VAV3: variants seen among roughly 807,000 people sequenced by gnomAD.
VAV3 encodes vav guanine nucleotide exchange factor 3.
A neutral mutation model predicts 131.2 loss-of-function variants in VAV3; 94 were observed. The observed-to-expected ratio is 0.72, with a 90% CI of 0.61 to 0.85. VAV3 has a LOEUF of 0.85. VAV3 is among the 40% of genes least tolerant of loss of function. The probability of loss-of-function intolerance (pLI) is 0.00; values close to 1 mark genes in which losing one functional copy is unlikely to be tolerated. For missense variants in VAV3, 939 were observed against 1,002.7 expected, an observed-to-expected ratio of 0.94 and a Z score of 0.86; for synonymous variants, 349 against 342.0, an observed-to-expected ratio of 1.02 and a Z score of -0.22.
At chr1:107,742,319 T>A (rs966481093) in intron 15 of VAV3, among the ~76,000 whole-genome samples, 3 of 152,122 alleles carry the variant, frequency 2.0e-5, no homozygotes, top group African/African-American at 4.8e-5. Context: ...TACTGTGCTA[T>A]GAAAGATCAC....
intron 15 of VAV3, among the ~76,000 whole-genome samples, chr1:107,741,539 C>T (rs973480737): frequency 1.3e-5 from 2 of 152,058 alleles, no homozygotes; most frequent in South Asian, 2.1e-4. Context: ...CCCACTGTGA[C>T]GCCTGTTGGC....
intron 1 of VAV3, among the ~76,000 whole-genome samples, chr1:107,906,572 G>A (rs12142560): frequency 0.062 from 9,388 of 151,970 alleles, 438 homozygotes; most frequent in African/African-American, 0.13. Context: ...AGGCTGAGGC[G>A]GGAGAATGGC....
chr1:107,624,415 A>T (rs1331481691), intron 20 of VAV3, among the ~76,000 whole-genome samples: 4 of 133,972 alleles, frequency 3.0e-5, no homozygotes, highest in African/African-American at 1.1e-4. Flanking sequence ...TGTGTGTGTG[A>T]AAGAAACAAG....
chr1:107,890,712 T>A (rs1356216944), intron 1 of VAV3, among the ~76,000 whole-genome samples: 2 of 152,216 alleles, frequency 1.3e-5, no homozygotes, highest in Non-Finnish European at 2.9e-5. Context: ...TTTCAATGAA[T>A]TAAATGTTTT....
At chr1:107,678,404 T>A (rs186101538) in intron 19 of VAV3, among the ~76,000 whole-genome samples, 1 of 152,160 alleles carries the variant, frequency 6.6e-6, no homozygotes, top group African/African-American at 2.4e-5. Context: ...ACTTTACTAT[T>A]TATTATAGAC....
intron 15 of VAV3, among the ~76,000 whole-genome samples, chr1:107,740,045 G>C (rs981721427): frequency 2.2e-4 from 34 of 152,212 alleles, no homozygotes; most frequent in African/African-American, 8.0e-4. Context: ...CCACCACTTT[G>C]GGAGGCCAAG....
intron 2 of VAV3, among the ~76,000 whole-genome samples, chr1:107,819,542 AAT>A (rs1667704834): frequency 6.7e-6 from 1 of 149,408 alleles, no homozygotes; most frequent in African/African-American, 2.4e-5. Flanking sequence ...ATATGACACA[AAT>A]ATGACAAAGT....
At chr1:107,682,740 A>T (rs1161666920) in intron 19 of VAV3, among the ~76,000 whole-genome samples, 2 of 152,172 alleles carry the variant, frequency 1.3e-5, no homozygotes, top group African/African-American at 4.8e-5. Flanking sequence ...AGTCCAGATT[A>T]TTTTCCAGCA....
intron 15 of VAV3, among the ~76,000 whole-genome samples, chr1:107,743,258 G>C (rs1214806712): frequency 6.6e-6 from 1 of 152,104 alleles, no homozygotes; most frequent in Non-Finnish European, 1.5e-5. Context: ...AAGAAGGACT[G>C]GTTGGGAAGA....
chr1:107,902,373 T>C (rs1221457731), intron 1 of VAV3, among the ~76,000 whole-genome samples: 1 of 152,222 alleles, frequency 6.6e-6, no homozygotes, highest in East Asian at 1.9e-4. Context: ...TTGACTTTAT[T>C]CATCTTCCAT....
intron 15 of VAV3, among the ~76,000 whole-genome samples, chr1:107,735,530 C>CTTT (rs1662562460): frequency 6.6e-6 from 1 of 151,996 alleles, no homozygotes; most frequent in African/African-American, 2.4e-5. Flanking sequence ...GGGATATCAC[C>CTTT]ACCGATCCCA....
chr1:107,957,323 C>G (rs528856414), intron 1 of VAV3, among the ~76,000 whole-genome samples: 2 of 152,232 alleles, frequency 1.3e-5, no homozygotes, highest in African/African-American at 2.4e-5. Context: ...TTTCTCTGGC[C>G]TTATCTTCTG....
intron 2 of VAV3, among the ~76,000 whole-genome samples, chr1:107,840,606 A>G (rs1466788295): frequency 6.6e-6 from 1 of 152,186 alleles, no homozygotes; most frequent in East Asian, 1.9e-4. Flanking sequence ...TCCATCAGGA[A>G]GTGCTCAAAG....
chr1:107,785,379 T>C, intron 2 of VAV3: 1 of 1,250,960 alleles, frequency 8.0e-7, no homozygotes, highest in Non-Finnish European at 1.0e-6. Flanking sequence ...ACTTAACCCA[T>C]ACCAGACCCA....
At chr1:107,593,683 T>G (rs1651144882) in intron 25 of VAV3, among the ~76,000 whole-genome samples, 1 of 152,132 alleles carries the variant, frequency 6.6e-6, no homozygotes, top group South Asian at 2.1e-4. Flanking sequence ...CTTCCTGGGA[T>G]GTATAAAATG....
At chr1:107,856,748 G>A (rs1284851832) in intron 2 of VAV3, among the ~76,000 whole-genome samples, 1 of 152,082 alleles carries the variant, frequency 6.6e-6, no homozygotes, top group Non-Finnish European at 1.5e-5. Flanking sequence ...TTCTAAGTAT[G>A]AAGGAAGGCC....
intron 2 of VAV3, among the ~76,000 whole-genome samples, chr1:107,811,680 T>C (rs1473978646): frequency 6.6e-6 from 1 of 152,116 alleles, no homozygotes; most frequent in Non-Finnish European, 1.5e-5. Flanking sequence ...TATAGCACCA[T>C]AATAAACAAA....
intron 25 of VAV3, among the ~76,000 whole-genome samples, chr1:107,595,516 T>C (rs959667307): frequency 6.6e-6 from 1 of 152,188 alleles, no homozygotes; most frequent in Non-Finnish European, 1.5e-5. Context: ...GATATCAGAT[T>C]AAGAAAATAA....
chr1:107,821,998 G>A (rs1377337574), intron 2 of VAV3, among the ~76,000 whole-genome samples: 2 of 152,158 alleles, frequency 1.3e-5, no homozygotes, highest in African/African-American at 4.8e-5. Context: ...AGGAAGCCGG[G>A]GATTGGGGTC....
Sources: gnomAD v4.1 joint callset for allele counts (sites outside exome capture counted in the v4.1 genomes callset) on GRCh38, gnomAD v4.1.1 for gene constraint, MANE v1.5 for transcripts, NCBI Gene and HGNC (gene_info 2026-07-23, HGNC 2026-07-21) for gene names.